HTRA4: variants seen among roughly 807,000 people sequenced by gnomAD.
The protein encoded by HTRA4 is serine protease HTRA4.
In HTRA4, 46 loss-of-function variants were observed where a neutral mutation model predicts 49.1. The ratio of observed to expected loss-of-function variants is 0.94; its 90% CI spans 0.74 to 1.20. The LOEUF (loss-of-function observed/expected upper bound fraction) is 1.20. HTRA4 is among the 50% of genes most tolerant of loss of function. HTRA4 has a pLI of 0.00. For missense variants in HTRA4, 602 were observed against 636.9 expected, an observed-to-expected ratio of 0.95 and a Z score of 0.59; for synonymous variants, 261 against 264.0, an observed-to-expected ratio of 0.99 and a Z score of 0.11.
chr8:38,984,660 A>T (rs1460151646), intron 8 of HTRA4, among the ~76,000 whole-genome samples: 2 of 152,108 alleles, frequency 1.3e-5, no homozygotes, highest in Non-Finnish European at 2.9e-5. Context: ...GAGGTCAGAG[A>T]ATCGCTTGAA....
chr8:38,976,591 C>G lies in HTRA4; in HGVS notation c.623C>G (p.Ser208Cys). The change falls in exon 3 of 9, where the codon TCT becomes TGT. Residue 208 changes from serine (S) to cysteine (C), a missense_variant. Coordinates refer to ENST00000302495, the MANE Select transcript of HTRA4 (RefSeq NM_153692.4). Reference sequence around the variant, plus strand: ...TACAGTGGCTCTGGGTTCATAGTGTCTGAGGACGGGCTCATTATTACCAAT... The same window carrying G: ...TACAGTGGCTCTGGGTTCATAGTGTGTGAGGACGGGCTCATTATTACCAAT... ...PVYSGSGFIV[S>C]EDGLIITNAH... The G allele has an allele frequency of 6.2e-7, 1 of 1,614,096 alleles. No homozygotes were observed. The highest frequency in any genetic ancestry group is 8.5e-7 in the Non-Finnish European group (1 of 1,180,016).
At chr8:38,984,919 C>A in intron 8 of HTRA4, among the ~76,000 whole-genome samples, 1 of 151,618 alleles carries the variant, frequency 6.6e-6, no homozygotes, top group South Asian at 2.1e-4. Context: ...CTGTCTCAAA[C>A]AAACAAACAA....
At position 38,988,334 on chromosome 8, in the gene HTRA4, T is replaced by C. The variant is rs1340228533; in HGVS notation, c.*236T>C. ...AAAGCAACAGTCCTCTGCAGGGACATGGATGGAGCTGGAAACCATTATCCT... is the reference window on the plus strand; with the variant it reads ...AAAGCAACAGTCCTCTGCAGGGACACGGATGGAGCTGGAAACCATTATCCT... On this transcript the variant is annotated 3_prime_UTR_variant, in exon 9 of 9. Transcript: ENST00000302495. The C allele has an allele frequency of 3.0e-6, 1 of 336,304 alleles. No individual in the cohort carries two copies. The highest frequency in any genetic ancestry group is 5.9e-5 in the East Asian group (1 of 17,006). 20.8% of individuals were successfully genotyped at this position (336,304 alleles called of 1,614,324 possible). A position where few individuals can be genotyped will look rare whatever the true frequency, so the allele number is the denominator to read the frequency against.
At chr8:38,978,235 G>A in intron 4 of HTRA4, 88 bp downstream of exon 4, 1 of 1,169,410 alleles carries the variant, frequency 8.6e-7, no homozygotes, top group South Asian at 1.7e-5. Flanking sequence ...CGCACAGCAG[G>A]CTGTGAGCCA....
intron 8 of HTRA4, among the ~76,000 whole-genome samples, chr8:38,985,892 G>T (rs984301450): frequency 2.0e-5 from 3 of 152,220 alleles, no homozygotes; most frequent in African/African-American, 2.4e-5. Flanking sequence ...AGTGCTGGAA[G>T]TTGCTGATAA....
At chr8:38,978,526 A>T (rs747700537) in intron 4 of HTRA4, among the ~76,000 whole-genome samples, 1 of 152,170 alleles carries the variant, frequency 6.6e-6, no homozygotes, top group African/African-American at 2.4e-5. Context: ...ATCACACAAT[A>T]TTGGCAGTTC....
chr8:38,978,055 G>T lies in HTRA4; in HGVS notation c.874G>T (p.Ala292Ser). ...SPFSLQNTAT[A>S]GIVSTKQRGG... The stretch of plus-strand genomic sequence containing the variant: ...ATTTTCTCTGCAGAACACAGCTACT[G>T]CAGGAATTGTCAGCACCAAACAGCG... The change falls in exon 4 of 9, where the codon GCA becomes TCA. Residue 292 changes from alanine (A) to serine (S), a missense_variant. Coordinates refer to ENST00000302495, the MANE Select transcript of HTRA4 (RefSeq NM_153692.4). 6.2e-7 allele frequency: 1 copy of T among 1,614,172 alleles called. No individual in the cohort carries two copies. Among genetic ancestry groups the T allele is most frequent in the Non-Finnish European group, 8.5e-7 (1 of 1,180,046 alleles).
Position 38,975,085 on chromosome 8 carries a change from TGGA to T in HTRA4, c.523_525del (p.Glu175del), listed in dbSNP as rs1835332320. The T allele has an allele frequency of 6.2e-7, 1 of 1,613,814 alleles. No individual in the cohort carries two copies. On this transcript the variant is annotated inframe_deletion, in exon 2 of 9. Coordinates refer to ENST00000302495, the MANE Select transcript of HTRA4 (RefSeq NM_153692.4). Reference sequence around the variant, plus strand: ...AATTACAACTTCATCGCCGCGGTGGTGGAGAAGGTGGCGCCATCGGTGGTTCAC... The same window carrying T: ...AATTACAACTTCATCGCCGCGGTGGTGAAGGTGGCGCCATCGGTGGTTCAC...
At chr8:38,977,484 T>C (rs1005424251) in intron 3 of HTRA4, among the ~76,000 whole-genome samples, 2 of 152,294 alleles carry the variant, frequency 1.3e-5, no homozygotes, top group African/African-American at 4.8e-5. Context: ...TTTACCCAGA[T>C]AGATGTGCTG....
intron 4 of HTRA4, 32 bp downstream of exon 4, chr8:38,978,179 A>G (rs1296482747): frequency 1.3e-6 from 2 of 1,575,666 alleles, no homozygotes; most frequent in African/African-American, 1.3e-5. Flanking sequence ...TGCCCAACCC[A>G]TGGGCTGTGG....
intron 3 of HTRA4, among the ~76,000 whole-genome samples, chr8:38,977,048 G>T (rs1835360409): frequency 6.6e-6 from 1 of 151,994 alleles, no homozygotes; most frequent in African/African-American, 2.4e-5. Flanking sequence ...TGATTCTCCT[G>T]CCTCAGCTTC....
At chr8:38,982,293 G>T (rs1564180174) in intron 6 of HTRA4, among the ~76,000 whole-genome samples, 1 of 152,272 alleles carries the variant, frequency 6.6e-6, no homozygotes, top group East Asian at 1.9e-4. Flanking sequence ...GAGCTAATGT[G>T]GAAATGAAAC....
chr8:38,982,521 T>C lies in HTRA4; in HGVS notation c.1138T>C (p.Tyr380His). The C allele has an allele frequency of 1.2e-6, 2 of 1,614,150 alleles. No individual in the cohort carries two copies. The highest frequency in any genetic ancestry group is 1.7e-6 in the Non-Finnish European group (2 of 1,180,008). The part of the protein sequence containing the change: ...MKGKAFSNKK[Y>H]LGLQMLSLTV... ...AGGAAAGGCGTTTTCAAATAAGAAATATCTGGGTCTGCAAATGCTGTCCCT... is the reference window on the plus strand; with the variant it reads ...AGGAAAGGCGTTTTCAAATAAGAAACATCTGGGTCTGCAAATGCTGTCCCT... The change falls in exon 7 of 9, where the codon TAT becomes CAT. Residue 380 changes from tyrosine to histidine, a missense_variant. By Grantham distance (83) the Tyr-to-His change is moderately conservative. Transcript: ENST00000302495.
Position 38,977,941 on chromosome 8 carries a change from G to T in HTRA4, c.772-12G>T. The T allele has an allele frequency of 6.2e-7, 1 of 1,611,174 alleles. No homozygotes were observed. Among genetic ancestry groups the T allele is most frequent in the Admixed American group, 1.7e-5 (1 of 59,276 alleles). On this transcript the variant is annotated splice_polypyrimidine_tract_variant and intron_variant, in intron 3 of 8. Coordinates refer to ENST00000302495, the MANE Select transcript of HTRA4 (RefSeq NM_153692.4). ...CTTTCTGTCCTCCCCATCCCTTTTTGGGCACGTGCAGGCTGAACTTCCTGT... is the reference window on the plus strand; with the variant it reads ...CTTTCTGTCCTCCCCATCCCTTTTTTGGCACGTGCAGGCTGAACTTCCTGT...
At chr8:38,987,036 A>G (rs1409172616) in intron 8 of HTRA4, among the ~76,000 whole-genome samples, 2 of 152,132 alleles carry the variant, frequency 1.3e-5, no homozygotes, top group African/African-American at 4.8e-5. Flanking sequence ...TCTTTGTTCT[A>G]AGGTTATTTC....
chr8:38,981,174 G>A (rs796558566), intron 5 of HTRA4, among the ~76,000 whole-genome samples: 10 of 139,134 alleles, frequency 7.2e-5, no homozygotes, highest in African/African-American at 2.7e-4. Context: ...CCGCCTCCCG[G>A]GTTCACGCCA....
chr8:38,974,871 G>A, intron 1 of HTRA4, 142 bp downstream of exon 1: 1 of 1,197,366 alleles, frequency 8.4e-7, no homozygotes, highest in Non-Finnish European at 1.2e-6. Context: ...CTGTGTTCCT[G>A]ATTTCCTTTC....
chr8:38,978,475 A>G (rs925191366), intron 4 of HTRA4, among the ~76,000 whole-genome samples: 1 of 152,194 alleles, frequency 6.6e-6, no homozygotes, highest in African/African-American at 2.4e-5. Flanking sequence ...TCCCTGTGCC[A>G]AAAAGTTTGG....
chr8:38,982,145 G>T (rs933313758), intron 6 of HTRA4, among the ~76,000 whole-genome samples: 1 of 152,132 alleles, frequency 6.6e-6, no homozygotes, highest in East Asian at 1.9e-4. Context: ...ACCATGCCTG[G>T]CCCGGAGACA....
Sources: gnomAD v4.1 joint callset for allele counts (sites outside exome capture counted in the v4.1 genomes callset) on GRCh38, gnomAD v4.1.1 for gene constraint, MANE v1.5 for transcripts, NCBI Gene and HGNC (gene_info 2026-07-23, HGNC 2026-07-21) for gene names.